The following MTA1 variants were observed in gnomAD, a reference collection of about 807,000 sequenced individuals.
The protein encoded by MTA1 is metastasis-associated protein MTA1.
MTA1 carries 15 observed loss-of-function variants against 97.0 expected under a neutral mutation model. The observed-to-expected ratio is 0.15, with a 90% CI of 0.10 to 0.24. MTA1 has a LOEUF of 0.24. MTA1 is among the 10% of genes least tolerant of loss of function. The pLI, the probability that MTA1 is intolerant of heterozygous loss-of-function variation, is 1.00. For missense variants in MTA1, 709 were observed against 1,015.1 expected (o/e 0.70, Z 4.10); for synonymous variants, 435 against 417.5 (o/e 1.04, Z -0.51).
Position 105,470,245 on chromosome 14 carries a change from C to T in MTA1, c.*30C>T. ...CGCCCCCACCTGCGGCCGCCCCCCGCCCCTCGCCCGCCCACACGGCCCCTT... is the reference window on the plus strand; with the variant it reads ...CGCCCCCACCTGCGGCCGCCCCCCGTCCCTCGCCCGCCCACACGGCCCCTT... On this transcript the variant is annotated 3_prime_UTR_variant, in exon 21 of 21. Transcript: ENST00000331320. 9 of 1,450,504 alleles carry T rather than the reference C, an allele frequency of 6.2e-6. No homozygotes were observed. Among genetic ancestry groups the T allele is most frequent in the Non-Finnish European group, 8.1e-6 (9 of 1,107,632 alleles). The allele number at this position is 1,450,504 out of a possible 1,614,324, so 89.9% of individuals were successfully genotyped here. A position where few individuals can be genotyped will look rare whatever the true frequency, so the allele number is the denominator to read the frequency against.
At chr14:105,457,265 A>G (rs1555430104) in intron 7 of MTA1, among the ~76,000 whole-genome samples, 1 of 152,190 alleles carries the variant, frequency 6.6e-6, no homozygotes. Flanking sequence ...GCTCAGACAC[A>G]CATTCTCCTG....
chr14:105,464,406 T>C lies in MTA1; in HGVS notation c.1193-10T>C. 1 of 1,611,900 alleles carries C rather than the reference T, an allele frequency of 6.2e-7. No homozygotes were observed. Among genetic ancestry groups the C allele is most frequent in the Non-Finnish European group, 8.5e-7 (1 of 1,178,650 alleles). On this transcript the variant is annotated splice_polypyrimidine_tract_variant and intron_variant, in intron 13 of 20. Transcript: ENST00000331320. ...AAGAATCCGTCTATTTCCAACTTTG[T>C]TGTCCGTAGCCACACAGTCTTACCA... is the stretch of plus-strand genomic sequence containing the variant.
At position 105,420,384 on chromosome 14, in the gene MTA1, C is replaced by CCCCAGCGGGAGCA. The variant is rs1343344290; in HGVS notation, c.28+323_28+335dup. Among the ~76,000 whole-genome samples, 1 of 151,884 alleles carries CCCCAGCGGGAGCA rather than the reference C, an allele frequency of 6.6e-6. No homozygotes were observed. The highest frequency in any genetic ancestry group is 2.4e-5 in the African/African-American group (1 of 41,402). ...CATCCGGGGGTCCGGGGCCGGGAGC[C>CCCCAGCGGGAGCA]CCCAGCGGGAGCACGTGGCCTTGGG... On this transcript the variant is annotated intron_variant, in intron 1 of 20. Transcript: ENST00000331320. This position sits in a 1 kb window ranked among gnomAD's most constrained non-coding sequence, Gnocchi z 5.3.
intron 7 of MTA1, among the ~76,000 whole-genome samples, chr14:105,457,023 C>T (rs1763536929): frequency 6.6e-6 from 1 of 152,240 alleles, no homozygotes; most frequent in Non-Finnish European, 1.5e-5. Flanking sequence ...ACTTTCTAGT[C>T]TCAAGAGCTC....
intron 6 of MTA1, among the ~76,000 whole-genome samples, chr14:105,450,992 C>T (rs1296155506): frequency 1.1e-4 from 16 of 152,152 alleles, no homozygotes; most frequent in East Asian, 7.7e-4. Context: ...GTCACAGTTG[C>T]GGGGCACACC....
intron 6 of MTA1, among the ~76,000 whole-genome samples, chr14:105,451,883 C>T (rs4983630): frequency 0.9 from 134,908 of 150,632 alleles, 61,568 homozygotes; most frequent in Non-Finnish European, 0.99. Context: ...CTCCGCCTCC[C>T]GGGTTCAAGC....
chr14:105,438,616 G>A lies in MTA1; in HGVS notation c.29-56G>A, dbSNP rs2082401904. The A allele has an allele frequency of 5.8e-6, 9 of 1,538,620 alleles. No individual in the cohort carries two copies. The Admixed American group carries it at 1.2e-4, about 20-fold the overall frequency. On this transcript the variant is annotated intron_variant, in intron 1 of 20. Transcript: ENST00000331320. ...CCGAGTCCCTGGGCCACGGGAGGTG[G>A]GACTGGGTCTGGCCTTTGGTGCCAC...
Position 105,424,615 on chromosome 14 carries a change from C to T in MTA1, c.28+4552C>T, listed in dbSNP as rs2081955131. On this transcript the variant is annotated intron_variant, in intron 1 of 20. Coordinates refer to ENST00000331320, the MANE Select transcript of MTA1 (RefSeq NM_004689.4). This position sits in a 1 kb window ranked among gnomAD's most constrained non-coding sequence, Gnocchi z 4.0. ...GGTTCTAGTGATTTGCCTGCCTCAG[C>T]CCCCTGAGTAGCTGGGATTACAGGT... is the stretch of plus-strand genomic sequence containing the variant. Among the ~76,000 whole-genome samples, 1 of 152,098 alleles carries T rather than the reference C, an allele frequency of 6.6e-6. No homozygotes were observed. Among genetic ancestry groups the T allele is most frequent in the South Asian group, 2.1e-4 (1 of 4,826 alleles).
chr14:105,427,855 C>T (rs1411328437), intron 1 of MTA1, among the ~76,000 whole-genome samples: 1 of 151,860 alleles, frequency 6.6e-6, no homozygotes, highest in Admixed American at 6.6e-5. Context: ...CCCATCTCTA[C>T]TAAAAATACA....
chr14:105,468,739 G>A (rs980783504), intron 18 of MTA1, among the ~76,000 whole-genome samples: 3 of 152,340 alleles, frequency 2.0e-5, no homozygotes, highest in Admixed American at 6.5e-5. Context: ...GCTGGGAGCC[G>A]AGCCATCCTG....
chr14:105,420,092 C>T lies in MTA1; in HGVS notation c.28+29C>T, dbSNP rs782484827. On this transcript the variant is annotated intron_variant, in intron 1 of 20. Transcript: ENST00000331320. The surrounding 1 kb of genome is among the most constrained non-coding windows in gnomAD (Gnocchi z 5.3). ...AGGCCGCACCGCCTTTATGCCCGGC[C>T]CCGACCCGCCCGCAGCCCCCACCCG... 5 of 1,030,692 alleles carry T rather than the reference C, an allele frequency of 4.9e-6. No homozygotes were observed. The highest frequency in any genetic ancestry group is 5.8e-6 in the Non-Finnish European group (5 of 855,714). 63.8% of individuals were successfully genotyped at this position (1,030,692 alleles called of 1,614,324 possible).
rs2083621440 is a variant in MTA1 at position 105,467,019 on chromosome 14, C to T, written c.1813+277C>T. 1.8e-5 allele frequency: 10 copies of T among 551,222 alleles called. No homozygotes were observed. In the East Asian group the frequency reaches 3.2e-4, roughly 17 times the overall value. The allele number at this position is 551,222 out of a possible 1,614,324, so 34.1% of individuals were successfully genotyped here. On this transcript the variant is annotated intron_variant, in intron 18 of 20. Coordinates refer to ENST00000331320, the MANE Select transcript of MTA1 (RefSeq NM_004689.4). ...GCCCTGGCGCCCCTGCCTGCGCTGT[C>T]TGCCATCGCGCTGTGACTGCCCGCA...
intron 1 of MTA1, among the ~76,000 whole-genome samples, chr14:105,430,059 C>G (rs2082134587): frequency 6.6e-6 from 1 of 152,178 alleles, no homozygotes; most frequent in African/African-American, 2.4e-5. Flanking sequence ...GCCCGACCCA[C>G]TTTTAGTTTC....
chr14:105,435,529 C>T (rs1432475248), intron 1 of MTA1, among the ~76,000 whole-genome samples: 1 of 152,196 alleles, frequency 6.6e-6, no homozygotes, highest in East Asian at 1.9e-4. Flanking sequence ...CTGAAGCAAT[C>T]CTCCTGATTT....
intron 16 of MTA1, chr14:105,466,215 C>T (rs1205429719): frequency 8.4e-6 from 5 of 595,254 alleles, no homozygotes; most frequent in Middle Eastern, 4.5e-4. Flanking sequence ...GCGGGACTGG[C>T]CCGGGCACAC....
At chr14:105,461,017 G>A in intron 10 of MTA1, 64 bp downstream of exon 10, 1 of 1,525,528 alleles carries the variant, frequency 6.6e-7, no homozygotes, top group Non-Finnish European at 8.9e-7. Flanking sequence ...AGGCTGCGGG[G>A]GTGTGGGCTC....
At chr14:105,464,241 G>A (rs775456030) in intron 13 of MTA1, 94 bp downstream of exon 13, 2 of 1,443,652 alleles carry the variant, frequency 1.4e-6, no homozygotes, top group East Asian at 2.4e-5. Context: ...GGCCCAGCCT[G>A]CAAGGGGCCC....
chr14:105,448,465 G>A (rs145248349), intron 3 of MTA1, among the ~76,000 whole-genome samples: 148 of 152,294 alleles, frequency 9.7e-4, no homozygotes, highest in Non-Finnish European at 1.7e-3. Flanking sequence ...GGCATAGGGC[G>A]GGCGTGAACA....
chr14:105,429,041 G>A (rs10151345), intron 1 of MTA1, among the ~76,000 whole-genome samples: 6,421 of 152,250 alleles, frequency 0.042, 444 homozygotes, highest in African/African-American at 0.15. Flanking sequence ...GCACTTTTAT[G>A]TGGTAGAAAT....
Sources: allele counts gnomAD v4.1 joint callset (sites outside exome capture counted in the v4.1 genomes callset), GRCh38; gene constraint gnomAD v4.1.1; non-coding constraint Gnocchi (gnomAD v3.1); transcripts MANE v1.5; gene names NCBI Gene and HGNC (gene_info 2026-07-23, HGNC 2026-07-21).